Variants in MYO1H observed in about 807,000 individuals in gnomAD.
MYO1H encodes myosin IH, also known as unconventional myosin-Ih.
MYO1H carries 118 observed loss-of-function variants against 149.3 expected under a neutral mutation model. That is an observed-to-expected ratio of 0.79 (90% confidence interval 0.68 to 0.92). The LOEUF (loss-of-function observed/expected upper bound fraction) is 0.92, where lower values mean the gene tolerates loss of function less well. MYO1H is among the 40% of genes least tolerant of loss of function. The probability of loss-of-function intolerance (pLI) is 0.00; values close to 1 mark genes in which losing one functional copy is unlikely to be tolerated. For missense variants in MYO1H, 1,212 were observed against 1,280.7 expected, an observed-to-expected ratio of 0.95 and a Z score of 0.82; for synonymous variants, 447 against 465.2, an observed-to-expected ratio of 0.96 and a Z score of 0.50.
rs552230416 is a variant in MYO1H, at chr12:109,424,811, C to T, written c.1708C>T (p.Arg570Trp). ...CTTCCTGCTGGCCGAGTTAGAAAAC[C>T]GGAGGAGGCCCCCAACAGTGAGTGG... Residue 570 changes from arginine (R) to tryptophan (W), a missense_variant, in exon 17 of 32, where the codon CGG (arginine) becomes TGG (tryptophan). Physicochemically the swap from Arg to Trp is moderately radical, Grantham distance 101. Coordinates refer to ENST00000310903, the Ensembl canonical transcript of MYO1H. 28 of 1,613,792 alleles carry T rather than the reference C, an allele frequency of 1.7e-5. No homozygotes were observed. The highest frequency in any genetic ancestry group is 2.7e-5 in the African/African-American group (2 of 75,014).
At chr12:109,442,359 A>G (rs1335227099) in intron 27 of MYO1H, 87 bp downstream of exon 27, 2 of 1,166,994 alleles carry the variant, frequency 1.7e-6, no homozygotes, top group African/African-American at 1.5e-5. Context: ...AGGGCGCACT[A>G]TTTAAATGCA....
chr12:109,416,467 C>T (rs1324932370), intron 15 of MYO1H, among the ~76,000 whole-genome samples: 3 of 149,298 alleles, frequency 2.0e-5, no homozygotes, highest in Non-Finnish European at 3.0e-5. Context: ...ATAATTTTGT[C>T]AGGGTTCATC....
intron 4 of MYO1H, among the ~76,000 whole-genome samples, chr12:109,396,814 G>GTTTTTTTTTTTTTGTTTTTTT: frequency 2.0e-5 from 1 of 51,088 alleles, no homozygotes; most frequent in African/African-American, 6.3e-5. Context: ...TTTTGGTTTC[G>GTTTTTTTTTTTTTGTTTTTTT]TTTTTTTTTT....
chr12:109,397,875 A>G, intron 5 of MYO1H, 63 bp downstream of exon 5: 1 of 1,313,720 alleles, frequency 7.6e-7, no homozygotes, highest in Non-Finnish European at 1.0e-6. Context: ...ACGGAACCCA[A>G]GCCAAGGCCC....
At chr12:109,326,065 T>A in the MYO1H span, among the ~76,000 whole-genome samples, 4 of 152,150 alleles carry the variant, frequency 2.6e-5, no homozygotes, top group Admixed American at 2.6e-4. Context: ...CTAGAAGATA[T>A]TTTCTGTGGT....
At chr12:109,332,398 G>GC in the MYO1H span, among the ~76,000 whole-genome samples, 5 of 152,220 alleles carry the variant, frequency 3.3e-5, no homozygotes, top group South Asian at 6.2e-4. Flanking sequence ...GATGAAGGGG[G>GC]CCTGCCTTCA....
intron 1 of MYO1H, chr12:109,359,559 C>G (rs767539576): frequency 6.6e-6 from 1 of 152,128 alleles, no homozygotes; most frequent in Non-Finnish European, 1.5e-5. Context: ...CGCCCCAGCC[C>G]CTTATAAATG....
intron 19 of MYO1H, among the ~76,000 whole-genome samples, chr12:109,428,215 C>T (rs141382788): frequency 4.9e-4 from 75 of 152,110 alleles, no homozygotes; most frequent in African/African-American, 1.8e-3. Context: ...CACCAGGGGG[C>T]AGCCGTGGGC....
chr12:109,329,148 G>A, the MYO1H span, among the ~76,000 whole-genome samples: 3 of 150,322 alleles, frequency 2.0e-5, no homozygotes, highest in Non-Finnish European at 4.4e-5. Context: ...TCTGTTCCAC[G>A]TGTTTATTGT....
chr12:109,334,310 G>A, the MYO1H span, among the ~76,000 whole-genome samples: 4 of 152,234 alleles, frequency 2.6e-5, no homozygotes, highest in African/African-American at 4.8e-5. Flanking sequence ...ATGAGCCACC[G>A]TGCCCAGCCC....
chr12:109,396,323 G>A (rs1869902279), intron 3 of MYO1H, 61 bp from the exon 4 acceptor site: 1 of 1,390,950 alleles, frequency 7.2e-7, no homozygotes, highest in South Asian at 1.4e-5. Flanking sequence ...TCTTTGGTGG[G>A]TGTCAGAGTC....
chr12:109,354,951 C>T (rs1467207179), intron 1 of MYO1H, among the ~76,000 whole-genome samples: 1 of 152,202 alleles, frequency 6.6e-6, no homozygotes, highest in Non-Finnish European at 1.5e-5. Context: ...GCCTGTCCTC[C>T]TTGGCAAGGT....
exon 29 of MYO1H, chr12:109,444,222 C>T: frequency 6.2e-7 from 1 of 1,613,674 alleles, no homozygotes; most frequent in Non-Finnish European, 8.5e-7. Flanking sequence ...GGTGTCTCCA[C>T]TAGCAATCTG....
chr12:109,328,196 G>GT, the MYO1H span, among the ~76,000 whole-genome samples: 4 of 150,630 alleles, frequency 2.7e-5, no homozygotes, highest in East Asian at 2.0e-4. Context: ...ATTTACCTTA[G>GT]TTTTTTTAAA....
intron 15 of MYO1H, among the ~76,000 whole-genome samples, chr12:109,417,413 C>T (rs1383908169): frequency 3.3e-5 from 5 of 152,034 alleles, no homozygotes; most frequent in South Asian, 2.1e-4. Context: ...CTGCAAGCTC[C>T]GCCTCCTGGG....
intron 1 of MYO1H, among the ~76,000 whole-genome samples, chr12:109,369,158 T>C (rs1007132306): frequency 6.6e-6 from 1 of 152,098 alleles, no homozygotes; most frequent in Non-Finnish European, 1.5e-5. Context: ...TGGCTAATTT[T>C]TGTACTTTTA....
At chr12:109,386,495 C>T (rs191235779) in intron 1 of MYO1H, among the ~76,000 whole-genome samples, 3 of 152,342 alleles carry the variant, frequency 2.0e-5, no homozygotes, top group Non-Finnish European at 2.9e-5. Context: ...TCTGTCTGCT[C>T]CGCATCCTCA....
chr12:109,331,113 T>C, the MYO1H span, among the ~76,000 whole-genome samples: 1 of 152,204 alleles, frequency 6.6e-6, no homozygotes, highest in African/African-American at 2.4e-5. Flanking sequence ...GAGCAGGCAA[T>C]CCTTCACAAA....
intron 16 of MYO1H, among the ~76,000 whole-genome samples, chr12:109,423,779 G>A (rs1391104894): frequency 6.6e-6 from 1 of 152,152 alleles, no homozygotes; most frequent in Non-Finnish European, 1.5e-5. Flanking sequence ...GTTTATTCGT[G>A]TTGTGGAATA....
Sources: gnomAD v4.1 joint callset for allele counts (sites outside exome capture counted in the v4.1 genomes callset) on GRCh38, gnomAD v4.1.1 for gene constraint, MANE v1.5 for transcripts, NCBI Gene and HGNC (gene_info 2026-07-23, HGNC 2026-07-21) for gene names.